The following SGCD variants were observed in gnomAD, a reference collection of about 807,000 sequenced individuals.
SGCD encodes the protein sarcoglycan delta.
Under a neutral mutation model 36.6 loss-of-function variants are expected in SGCD, and 18 were observed. The observed-to-expected ratio is 0.49, with a 90% CI of 0.34 to 0.73. The LOEUF is 0.73. Ranked by LOEUF, SGCD falls within the 30% of genes least tolerant of loss-of-function variation. SGCD has a pLI of 0.01. For missense variants in SGCD, 387 were observed against 346.7 expected (o/e 1.12, Z -0.92); for synonymous variants, 133 against 130.6 (o/e 1.02, Z -0.12).
At chr5:155,861,947 T>C in the SGCD span, among the ~76,000 whole-genome samples, 1 of 152,156 alleles carries the variant, frequency 6.6e-6, no homozygotes, top group Non-Finnish European at 1.5e-5. Flanking sequence ...ACATTTTATG[T>C]ACTAGCTGCT....
At chr5:156,185,858 GAGAGAGAGA>G (rs1763742023) in intron 3 of SGCD, among the ~76,000 whole-genome samples, 1 of 6,478 alleles carries the variant, frequency 1.5e-4, no homozygotes, top group African/African-American at 2.4e-4. Context: ...TATAGAGAGA[GAGAGAGAGA>G]GAGAGAGAGA....
intron 3 of SGCD, among the ~76,000 whole-genome samples, chr5:156,424,990 A>G (rs1013534433): frequency 2.0e-5 from 3 of 152,052 alleles, no homozygotes; most frequent in African/African-American, 7.2e-5. Flanking sequence ...CCAGAAGGAA[A>G]ACACATGTTC....
chr5:156,516,554 T>C (rs1757180250), intron 4 of SGCD, among the ~76,000 whole-genome samples: 1 of 152,150 alleles, frequency 6.6e-6, no homozygotes, highest in Non-Finnish European at 1.5e-5. Flanking sequence ...CTCACAAAGA[T>C]GAGGAAGAAT....
At chr5:155,781,688 C>T in the SGCD span, among the ~76,000 whole-genome samples, 1 of 151,894 alleles carries the variant, frequency 6.6e-6, no homozygotes, top group East Asian at 1.9e-4. Flanking sequence ...CCAGGCTGGC[C>T]CTAAACTCCC....
chr5:156,040,005 T>C (rs1225426486), intron 1 of SGCD, among the ~76,000 whole-genome samples: 1 of 152,160 alleles, frequency 6.6e-6, no homozygotes. Flanking sequence ...AGGAGTTTTA[T>C]GTGGGAGAGA....
intron 3 of SGCD, among the ~76,000 whole-genome samples, chr5:156,298,708 G>A (rs2127682981): frequency 6.6e-6 from 1 of 151,132 alleles, no homozygotes; most frequent in South Asian, 2.1e-4. Context: ...TGGGATTACA[G>A]GTGTGAGCTA....
At chr5:156,282,030 C>G (rs1377030686) in intron 3 of SGCD, among the ~76,000 whole-genome samples, 1 of 149,964 alleles carries the variant, frequency 6.7e-6, no homozygotes, top group African/African-American at 2.5e-5. Context: ...GACTCCATAT[C>G]CAAAAAAAAA....
chr5:156,620,605 G>T (rs1454784857), intron 6 of SGCD, among the ~76,000 whole-genome samples: 1 of 152,184 alleles, frequency 6.6e-6, no homozygotes, highest in Non-Finnish European at 1.5e-5. Context: ...AAGTGTAATG[G>T]ATGGGGACAG....
the SGCD span, among the ~76,000 whole-genome samples, chr5:155,834,384 G>A: frequency 1.3e-5 from 2 of 152,268 alleles, no homozygotes; most frequent in African/African-American, 4.8e-5. Context: ...TAGAAGTGCA[G>A]TTGGCTATAT....
In SGCD at chr5:156,763,616, C is replaced by T. The variant is rs2113203583; in HGVS notation, c.*4226C>T. The T allele has an allele frequency of 1.3e-5, 2 of 152,148 alleles. No individual in the cohort carries two copies. The highest frequency in any genetic ancestry group is 3.9e-4 in the East Asian group (2 of 5,166). 9.4% of individuals were successfully genotyped at this position (152,148 alleles called of 1,614,324 possible). On this transcript the variant is annotated 3_prime_UTR_variant, in exon 9 of 9. Transcript: ENST00000337851. Reference sequence around the variant, plus strand: ...AAAACATATTTTGAAAAGACATATTCTGACATCTCTGCTTGTGTGTGGTAA... The same window carrying T: ...AAAACATATTTTGAAAAGACATATTTTGACATCTCTGCTTGTGTGTGGTAA...
intron 1 of SGCD, among the ~76,000 whole-genome samples, chr5:155,938,580 G>A (rs1757263159): frequency 6.6e-6 from 1 of 152,074 alleles, no homozygotes; most frequent in Non-Finnish European, 1.5e-5. Context: ...TTCTTAATTG[G>A]GCTGTTTATC....
the SGCD span, among the ~76,000 whole-genome samples, chr5:155,805,381 C>T: frequency 6.6e-6 from 1 of 152,128 alleles, no homozygotes; most frequent in South Asian, 2.1e-4. Context: ...TTCAGTTGGA[C>T]CTTGAAAAGT....
chr5:156,264,108 T>C (rs866614219), intron 3 of SGCD, among the ~76,000 whole-genome samples: 1 of 152,076 alleles, frequency 6.6e-6, no homozygotes. Flanking sequence ...GAGGCTTTAA[T>C]ATACGTATAT....
chr5:156,001,422 A>G (rs2127568049), intron 1 of SGCD, among the ~76,000 whole-genome samples: 1 of 152,320 alleles, frequency 6.6e-6, no homozygotes, highest in South Asian at 2.1e-4. Flanking sequence ...GTTAGAAAAC[A>G]GTGTTTTATA....
At chr5:155,887,441 TC>T (rs1176833373) in intron 1 of SGCD, among the ~76,000 whole-genome samples, 10 of 152,210 alleles carry the variant, frequency 6.6e-5, no homozygotes, top group Non-Finnish European at 1.5e-4. Flanking sequence ...CAAACTTCTC[TC>T]CTCTTACCTT....
At chr5:156,024,632 G>A (rs1306982745) in intron 1 of SGCD, among the ~76,000 whole-genome samples, 1 of 152,066 alleles carries the variant, frequency 6.6e-6, no homozygotes, top group Admixed American at 6.5e-5. Flanking sequence ...ATTGATTCCT[G>A]CAGTGTTTCC....
chr5:156,071,116 G>A (rs1375784979), intron 1 of SGCD, among the ~76,000 whole-genome samples: 1 of 152,012 alleles, frequency 6.6e-6, no homozygotes, highest in Non-Finnish European at 1.5e-5. Flanking sequence ...AGGGTTTTTT[G>A]TGTCTCTATT....
chr5:156,724,551 G>A (rs1755675166), intron 7 of SGCD, among the ~76,000 whole-genome samples: 1 of 151,918 alleles, frequency 6.6e-6, no homozygotes, highest in South Asian at 2.1e-4. Flanking sequence ...AGCTTGCAGT[G>A]AGCCAAGATC....
At chr5:155,799,485 C>T in the SGCD span, among the ~76,000 whole-genome samples, 1 of 151,744 alleles carries the variant, frequency 6.6e-6, no homozygotes. Context: ...CCTTCGTCTC[C>T]CTTGTTCAAG....
Sources: allele counts gnomAD v4.1 joint callset (sites outside exome capture counted in the v4.1 genomes callset), GRCh38; gene constraint gnomAD v4.1.1; transcripts MANE v1.5; gene names NCBI Gene and HGNC (gene_info 2026-07-23, HGNC 2026-07-21).